The following DTNA variants were observed in gnomAD, a reference collection of about 807,000 sequenced individuals.
DTNA encodes dystrophin-related protein 3.
In DTNA, 43 loss-of-function variants were observed where a neutral mutation model predicts 100.7. That is an observed-to-expected ratio of 0.43 (90% CI 0.33 to 0.55). The LOEUF is 0.55. Among genes scored for constraint, DTNA ranks in the 20% least tolerant of loss-of-function variants. The pLI, the probability that DTNA is intolerant of heterozygous loss-of-function variation, is 0.04. For synonymous variants in DTNA, 349 were observed against 347.9 expected, an observed-to-expected ratio of 1.00 and a Z score of -0.04; for missense variants, 798 against 953.9, an observed-to-expected ratio of 0.84 and a Z score of 2.15.
At chr18:34,636,070 G>T (rs1227439117) in intron 1 of DTNA, among the ~76,000 whole-genome samples, 1 of 151,998 alleles carries the variant, frequency 6.6e-6, no homozygotes, top group Non-Finnish European at 1.5e-5. Context: ...TCTTCAGTGT[G>T]CAGCAAGTCT....
At chr18:34,538,775 C>T (rs1338034758) in intron 1 of DTNA, among the ~76,000 whole-genome samples, 1 of 151,828 alleles carries the variant, frequency 6.6e-6, no homozygotes, top group Non-Finnish European at 1.5e-5. Flanking sequence ...GTCTAAAGAC[C>T]TAAACATAAA....
chr18:34,775,848 A>T (rs1218183727), intron 3 of DTNA, among the ~76,000 whole-genome samples: 1 of 152,242 alleles, frequency 6.6e-6, no homozygotes, highest in Non-Finnish European at 1.5e-5. Context: ...TAACTACAGA[A>T]CTGTGAGTTA....
At chr18:34,653,948 G>T (rs2073984129) in intron 1 of DTNA, among the ~76,000 whole-genome samples, 1 of 152,138 alleles carries the variant, frequency 6.6e-6, no homozygotes. Context: ...TCTCACTTCA[G>T]CCTCCTTATA....
chr18:34,830,407 G>C (rs887849546), intron 11 of DTNA, among the ~76,000 whole-genome samples: 1 of 152,106 alleles, frequency 6.6e-6, no homozygotes, highest in Non-Finnish European at 1.5e-5. Flanking sequence ...CAAACTCCTG[G>C]CATTATTCAC....
chr18:34,545,526 A>G (rs2044686995), intron 1 of DTNA, among the ~76,000 whole-genome samples: 1 of 152,136 alleles, frequency 6.6e-6, no homozygotes, highest in South Asian at 2.1e-4. Flanking sequence ...TTAATTATAG[A>G]ATGCATAACT....
At chr18:34,738,561 G>A (rs1601159321) in intron 1 of DTNA, among the ~76,000 whole-genome samples, 1 of 152,128 alleles carries the variant, frequency 6.6e-6, no homozygotes, top group Admixed American at 6.5e-5. Context: ...AGCTGGGCTG[G>A]AGGCCACCCT....
intron 1 of DTNA, among the ~76,000 whole-genome samples, chr18:34,587,407 C>T (rs189036531): frequency 1.3e-5 from 2 of 152,220 alleles, no homozygotes; most frequent in East Asian, 3.9e-4. Flanking sequence ...TTCTCCTCTG[C>T]ACTCCACATA....
chr18:34,540,030 T>C (rs1371381669), intron 1 of DTNA, among the ~76,000 whole-genome samples: 1 of 151,864 alleles, frequency 6.6e-6, no homozygotes, highest in African/African-American at 2.4e-5. Flanking sequence ...CTGGACAACA[T>C]TAATCTGATT....
chr18:34,754,979 T>C (rs2092671555), intron 1 of DTNA, among the ~76,000 whole-genome samples: 2 of 152,156 alleles, frequency 1.3e-5, no homozygotes. Context: ...AGTCCTAGAT[T>C]TGAGAAAGAG....
intron 1 of DTNA, among the ~76,000 whole-genome samples, chr18:34,567,245 A>T (rs2047165839): frequency 6.6e-6 from 1 of 152,192 alleles, no homozygotes; most frequent in Admixed American, 6.5e-5. Context: ...TTAACAATCA[A>T]TAAGCTTTTA....
At chr18:34,579,473 T>C (rs2118855) in intron 1 of DTNA, among the ~76,000 whole-genome samples, 15,665 of 152,250 alleles carry the variant, frequency 0.1, 1,170 homozygotes, top group African/African-American at 0.21. Flanking sequence ...TCTTATAGTA[T>C]GTATTTGCTA....
intron 1 of DTNA, among the ~76,000 whole-genome samples, chr18:34,628,973 C>G (rs186194523): frequency 9.9e-5 from 15 of 152,236 alleles, no homozygotes; most frequent in African/African-American, 3.6e-4. Flanking sequence ...ATGATATTAT[C>G]TCAATCTAAC....
intron 1 of DTNA, among the ~76,000 whole-genome samples, chr18:34,497,840 A>T (rs1206871166): frequency 6.6e-6 from 1 of 152,216 alleles, no homozygotes; most frequent in Non-Finnish European, 1.5e-5. Context: ...TATATTATGT[A>T]TTTTTTAATT....
intron 17 of DTNA, chr18:34,868,759 T>A (rs1349780083): frequency 1.0e-6 from 1 of 985,170 alleles, no homozygotes. Flanking sequence ...GCCTGTAATA[T>A]AATGTGATGA....
At chr18:34,646,651 T>G (rs1441883403) in intron 1 of DTNA, among the ~76,000 whole-genome samples, 1 of 152,202 alleles carries the variant, frequency 6.6e-6, no homozygotes, top group Non-Finnish European at 1.5e-5. Flanking sequence ...TCAAATGATT[T>G]ATTCTTCTTT....
At chr18:34,753,367 T>C (rs201007316) in intron 1 of DTNA, among the ~76,000 whole-genome samples, 22 of 93,274 alleles carry the variant, frequency 2.4e-4, no homozygotes, top group Non-Finnish European at 6.2e-5. Context: ...ATTTATTTTA[T>C]TTTTTTTTTT....
chr18:34,577,479 G>C, intron 1 of DTNA, among the ~76,000 whole-genome samples: 1 of 152,064 alleles, frequency 6.6e-6, no homozygotes, highest in Non-Finnish European at 1.5e-5. Context: ...GGTTTTTGGG[G>C]AACAGGTGGT....
upstream of DTNA, among the ~76,000 whole-genome samples, chr18:34,708,748 C>T (rs1195822548): frequency 6.6e-6 from 1 of 152,226 alleles, no homozygotes; most frequent in Non-Finnish European, 1.5e-5. Flanking sequence ...TCAGCTTTCT[C>T]ATGGTCCCTC....
chr18:34,672,850 G>A (rs1360186423), intron 1 of DTNA, among the ~76,000 whole-genome samples: 2 of 152,102 alleles, frequency 1.3e-5, no homozygotes, highest in African/African-American at 4.8e-5. Context: ...ATAACTGGAA[G>A]TAAATGTATA....
Sources: gnomAD v4.1 joint callset for allele counts (sites outside exome capture counted in the v4.1 genomes callset) on GRCh38, gnomAD v4.1.1 for gene constraint, MANE v1.5 for transcripts, NCBI Gene and HGNC (gene_info 2026-07-23, HGNC 2026-07-21) for gene names.